The following CEP120 variants were observed in gnomAD, a reference collection of about 807,000 sequenced individuals.
CEP120 encodes the protein centrosomal protein 120.
In CEP120, 113 loss-of-function variants were observed where a neutral mutation model predicts 126.5. The ratio of observed to expected loss-of-function variants is 0.89; its 90% confidence interval spans 0.77 to 1.04. CEP120 has a LOEUF of 1.04. Among genes scored for constraint, CEP120 ranks in the 50% least tolerant of loss-of-function variants. CEP120 has a pLI of 0.00. For synonymous variants in CEP120, 400 were observed against 394.3 expected, an observed-to-expected ratio of 1.01 and a Z score of -0.17; for missense variants, 1,230 against 1,155.7, an observed-to-expected ratio of 1.06 and a Z score of -0.93.
rs1017973266 is a variant in CEP120, at chr5:123,399,204, G to A, written c.544C>T (p.Pro182Ser). 7.4e-6 allele frequency: 12 copies of A among 1,613,836 alleles called. No individual in the cohort carries two copies. Among genetic ancestry groups the A allele is most frequent in the African/African-American group, 2.7e-5 (2 of 74,908 alleles). The change falls in exon 5 of 20, where the codon CCA becomes TCA. Residue 182 changes from proline (P) to serine (S), a missense_variant. Transcript: ENST00000306467. ...AAGGAGTCAGTACAGTATTCTGCTG[G>A]TCCAATCTGATGGTAGCCTCCCTCT... ...NEEGGYHQIG[P>S]AEYCTDSFIM...
intron 5 of CEP120, among the ~76,000 whole-genome samples, chr5:123,395,595 A>T (rs1562063624): frequency 6.6e-6 from 1 of 152,024 alleles, no homozygotes; most frequent in Non-Finnish European, 1.5e-5. Context: ...GGAACCACAC[A>T]ATATGTGGCC....
intron 1 of CEP120, among the ~76,000 whole-genome samples, chr5:123,420,118 C>T (rs1414141091): frequency 6.6e-6 from 1 of 152,208 alleles, no homozygotes; most frequent in East Asian, 1.9e-4. Context: ...TAACACACAT[C>T]GCACAGCTCT....
intron 15 of CEP120, 128 bp from the exon 16 acceptor site, chr5:123,377,663 G>T: frequency 5.6e-6 from 4 of 709,700 alleles, no homozygotes; most frequent in South Asian, 2.5e-5. Context: ...ATCTTTTTTA[G>T]TTATTAGAGA....
chr5:123,390,041 AT>A lies in CEP120; in HGVS notation c.1137del (p.Lys379AsnfsTer52), dbSNP rs1772289403. ...PIKEKTLTGP[K>X]SPTVSPVPSH... Reference sequence around the variant, plus strand: ...GATGGAACAGGGGACACTGTTGGTGATTTTGGCCCAGTAAGTGTCTTCTCCT... The same window carrying A: ...GATGGAACAGGGGACACTGTTGGTGATTTGGCCCAGTAAGTGTCTTCTCCT... On this transcript the variant is annotated frameshift_variant, in exon 8 of 20. Transcript: ENST00000306467. LOFTEE classifies it high-confidence loss of function. The A allele has an allele frequency of 6.2e-7, 1 of 1,613,986 alleles. No individual in the cohort carries two copies. Among genetic ancestry groups the A allele is most frequent in the Non-Finnish European group, 8.5e-7 (1 of 1,179,916 alleles).
chr5:123,422,493 C>G (rs1260175730), intron 1 of CEP120: 11 of 1,535,112 alleles, frequency 7.2e-6, no homozygotes, highest in Non-Finnish European at 8.7e-6. Flanking sequence ...AATACACCCT[C>G]TTAAGAACTG....
At chr5:123,372,826 A>G (rs933193004) in intron 16 of CEP120, 54 bp from the exon 17 acceptor site, 3 of 1,428,736 alleles carry the variant, frequency 2.1e-6, no homozygotes, top group Non-Finnish European at 2.9e-6. Context: ...AAGTTTAACA[A>G]TAAAGTATTC....
intron 18 of CEP120, chr5:123,358,376 T>A (rs1769806922): frequency 6.6e-6 from 1 of 152,102 alleles, no homozygotes; most frequent in African/African-American, 2.4e-5. Context: ...TTGAAATGTA[T>A]ATTTCATTTT....
chr5:123,355,384 T>C (rs1395327650), intron 18 of CEP120, among the ~76,000 whole-genome samples: 1 of 152,210 alleles, frequency 6.6e-6, no homozygotes, highest in Non-Finnish European at 1.5e-5. Flanking sequence ...ATGGATGAAC[T>C]AGTTTACAGT....
intron 1 of CEP120, among the ~76,000 whole-genome samples, chr5:123,419,557 A>C (rs987582808): frequency 1.7e-4 from 25 of 143,256 alleles, no homozygotes; most frequent in Non-Finnish European, 3.3e-4. Context: ...CAAAAACAAA[A>C]AAAAAAAAAC....
intron 5 of CEP120, among the ~76,000 whole-genome samples, chr5:123,395,399 T>C (rs908014491): frequency 6.6e-6 from 1 of 152,198 alleles, no homozygotes; most frequent in African/African-American, 2.4e-5. Flanking sequence ...TATTGCTAGA[T>C]GCTTTCTCAC....
rs576392457 is a variant in CEP120, at chr5:123,350,883, C to T, written c.2581-794G>A. Among the ~76,000 whole-genome samples, 6 of 152,216 alleles carry T rather than the reference C, an allele frequency of 3.9e-5. No individual in the cohort carries two copies. In the East Asian group the frequency reaches 1.2e-3, roughly 29 times the overall value. On this transcript the variant is annotated intron_variant, in intron 18 of 19. Transcript: ENST00000306467. ...CATAATGGATATTCCATGACTTATT[C>T]AACCACTTTCTCAATAACAGACACT...
Position 123,403,809 on chromosome 5 carries a change from C to T in CEP120, c.464-4525G>A, listed in dbSNP as rs191504588. ...AGTCATGAAACAATCTACAAATTAA[C>T]TGGCCTGCAATCTTCAAAATTTCAA... On this transcript the variant is annotated intron_variant, in intron 4 of 19. Transcript: ENST00000306467. 1.2e-3 allele frequency: 407 copies of T among 345,342 alleles called. 4 individuals are homozygous for T. Among genetic ancestry groups the T allele is most frequent in the African/African-American group, 8.5e-3 (383 of 45,214 alleles). 21.4% of individuals were successfully genotyped at this position (345,342 alleles called of 1,614,324 possible).
At chr5:123,412,202 A>G (rs1358506862) in intron 4 of CEP120, among the ~76,000 whole-genome samples, 197 bp downstream of exon 4, 1 of 152,212 alleles carries the variant, frequency 6.6e-6, no homozygotes, top group East Asian at 1.9e-4. Context: ...TACCAAATAA[A>G]GAATAAATTT....
intron 5 of CEP120, 45 bp downstream of exon 5, chr5:123,399,090 AG>A: frequency 7.1e-7 from 1 of 1,413,054 alleles, no homozygotes; most frequent in Non-Finnish European, 9.5e-7. Context: ...TGTTTTACAT[AG>A]TTTTCAAATT....
In CEP120 at chr5:123,386,675, T is replaced by TTA; in HGVS notation, c.1431-10_1431-9dup. 1.5e-6 allele frequency: 1 copy of TTA among 688,340 alleles called. No individual in the cohort carries two copies. Among genetic ancestry groups the TTA allele is most frequent in the Non-Finnish European group, 1.8e-6 (1 of 543,452 alleles). 42.6% of individuals were successfully genotyped at this position (688,340 alleles called of 1,614,324 possible). On this transcript the variant is annotated splice_polypyrimidine_tract_variant and intron_variant, in intron 9 of 19. Transcript: ENST00000306467. ...AAGAATGGATATGAGTACCTAGAAT[T>TTA]TAAAAAAAAAAAAAAAAAAAAAAGC...
In CEP120 at chr5:123,372,725, T is replaced by A; in HGVS notation, c.2406A>T (p.Gln802His). 1 of 1,608,532 alleles carries A rather than the reference T, an allele frequency of 6.2e-7. No homozygotes were observed. Among genetic ancestry groups the A allele is most frequent in the African/African-American group, 1.3e-5 (1 of 74,662 alleles). The change falls in exon 17 of 20, where the codon CAA becomes CAT. Residue 802 changes from glutamine (Q) to histidine (H), a missense_variant. By Grantham distance (24) the Gln-to-His change is conservative. Coordinates refer to ENST00000306467, the MANE Select transcript of CEP120 (RefSeq NM_001375405.1). ...NKYKILEKEF[Q>H]QFKDQQNNKP... ...TGTTGTTTTGCTGGTCCTTGAACTG[T>A]TGGAACTCTTTTTCCAAAATCTTAT...
intron 19 of CEP120, among the ~76,000 whole-genome samples, chr5:123,347,835 T>C (rs773510838): frequency 6.6e-6 from 1 of 152,102 alleles, no homozygotes; most frequent in African/African-American, 2.4e-5. Context: ...ATATTGTTTT[T>C]AGAGACGACA....
rs1562047830 is a variant in CEP120, at chr5:123,386,675, T to TAAAAAAAAAAAAAAA, written c.1431-9_1431-8insTTTTTTTTTTTTTTT. On this transcript the variant is annotated splice_polypyrimidine_tract_variant and intron_variant, in intron 9 of 19. Coordinates refer to ENST00000306467, the MANE Select transcript of CEP120 (RefSeq NM_001375405.1). ...AAGAATGGATATGAGTACCTAGAAT[T>TAAAAAAAAAAAAAAA]TAAAAAAAAAAAAAAAAAAAAAAGC... 2 of 688,982 alleles carry TAAAAAAAAAAAAAAA rather than the reference T, an allele frequency of 2.9e-6. No homozygotes were observed. The highest frequency in any genetic ancestry group is 1.8e-6 in the Non-Finnish European group (1 of 543,718). 42.7% of individuals were successfully genotyped at this position (688,982 alleles called of 1,614,324 possible).
chr5:123,401,343 C>T lies in CEP120; in HGVS notation c.464-2059G>A, dbSNP rs539766199. ...CCACACTGCTCGGCATCTGCAATGG[C>T]GGCCTCCAGGAAAGCCCTCTGGCCT... is the stretch of plus-strand genomic sequence containing the variant. On this transcript the variant is annotated intron_variant, in intron 4 of 19. Coordinates refer to ENST00000306467, the MANE Select transcript of CEP120 (RefSeq NM_001375405.1). 174 of 1,597,892 alleles carry T rather than the reference C, an allele frequency of 1.1e-4. No individual in the cohort carries two copies. The African/African-American group carries it at 1.4e-3, about 12-fold the overall frequency.
Sources: allele counts gnomAD v4.1 joint callset (sites outside exome capture counted in the v4.1 genomes callset), GRCh38; gene constraint gnomAD v4.1.1; transcripts MANE v1.5; gene names NCBI Gene and HGNC (gene_info 2026-07-23, HGNC 2026-07-21).